Variants in WDR27 observed in about 807,000 individuals in gnomAD.
The protein encoded by WDR27 is WD repeat domain 27, also known as WD repeat-containing protein 27.
A neutral mutation model predicts 114.4 loss-of-function variants in WDR27; 100 were observed. The observed-to-expected ratio is 0.87, with a 90% confidence interval of 0.74 to 1.03. The LOEUF is 1.03. Ranked by LOEUF, WDR27 falls within the 50% of genes least tolerant of loss-of-function variation. The pLI, the probability that WDR27 is intolerant of heterozygous loss-of-function variation, is 0.00. For synonymous variants in WDR27, 449 were observed against 423.1 expected (o/e 1.06, Z -0.75); for missense variants, 1,129 against 1,092.9 (o/e 1.03, Z -0.47).
intron 22 of WDR27, among the ~76,000 whole-genome samples, chr6:169,605,208 A>G (rs909257498): frequency 6.6e-6 from 1 of 151,480 alleles, no homozygotes; most frequent in African/African-American, 2.4e-5. Flanking sequence ...TCTTACATCT[A>G]GAAAAACCTA....
chr6:169,599,248 G>T (rs1807451384), intron 23 of WDR27, among the ~76,000 whole-genome samples: 1 of 151,604 alleles, frequency 6.6e-6, no homozygotes, highest in South Asian at 2.1e-4. Flanking sequence ...ATACCATCAT[G>T]ATTTGGAAGT....
intron 23 of WDR27, among the ~76,000 whole-genome samples, chr6:169,591,944 G>A (rs1248895618): frequency 6.6e-6 from 1 of 151,626 alleles, no homozygotes; most frequent in Non-Finnish European, 1.5e-5. Context: ...AGGGAGTTCT[G>A]GCTTCTATTA....
intron 24 of WDR27, 102 bp downstream of exon 24, chr6:169,582,734 A>T: frequency 1.2e-6 from 1 of 845,124 alleles, no homozygotes; most frequent in Non-Finnish European, 1.8e-6. Context: ...ATGTAACCTT[A>T]AGTATTATAA....
In WDR27 at chr6:169,672,302, T is replaced by C. The variant is rs1778948842; in HGVS notation, c.284A>G (p.Tyr95Cys). 6.2e-7 allele frequency: 1 copy of C among 1,613,840 alleles called. No homozygotes were observed. Among genetic ancestry groups the C allele is most frequent in the Non-Finnish European group, 8.5e-7 (1 of 1,179,782 alleles). Residue 95 changes from tyrosine to cysteine, a missense_variant, in exon 3 of 26, where the codon TAT becomes TGT. Tyr to Cys is a radical substitution (Grantham distance 194). Coordinates refer to ENST00000448612, the MANE Select transcript of WDR27 (RefSeq NM_182552.5). Reference protein sequence around the residue: ...PLLICSASLDYVIMWNLDECR... With the variant: ...PLLICSASLDCVIMWNLDECR... Reference sequence around the variant, plus strand: ...TTCATCCAGGTTCCACATTATAACATAATCCAGTGATGCTGAGCAGATTAG... The same window carrying C: ...TTCATCCAGGTTCCACATTATAACACAATCCAGTGATGCTGAGCAGATTAG...
At chr6:169,617,810 C>T (rs942106658) in intron 21 of WDR27, among the ~76,000 whole-genome samples, 2 of 152,224 alleles carry the variant, frequency 1.3e-5, no homozygotes, top group African/African-American at 4.8e-5. Flanking sequence ...TCCCAGGTAG[C>T]CTTTCCTATT....
At chr6:169,449,215 C>T in the WDR27 span, among the ~76,000 whole-genome samples, 1 of 152,152 alleles carries the variant, frequency 6.6e-6, no homozygotes, top group South Asian at 2.1e-4. Context: ...TGGATTACTA[C>T]ATTCTGAATG....
chr6:169,604,311 AC>A (rs1195213074), intron 22 of WDR27, among the ~76,000 whole-genome samples: 2 of 152,210 alleles, frequency 1.3e-5, no homozygotes, highest in African/African-American at 4.8e-5. Context: ...ATCATCAGAG[AC>A]TATAATGAAA....
intron 25 of WDR27, among the ~76,000 whole-genome samples, chr6:169,488,946 C>CCT (rs374279199): frequency 1.1e-4 from 15 of 135,556 alleles, no homozygotes; most frequent in African/African-American, 3.9e-4. Context: ...TTGATGCCCC[C>CCT]TTTTTTTTTT....
intron 17 of WDR27, among the ~76,000 whole-genome samples, chr6:169,640,631 C>T (rs117728879): frequency 0.014 from 2,108 of 152,366 alleles, 29 homozygotes; most frequent in Middle Eastern, 0.048. Flanking sequence ...CAGCTCTGCA[C>T]CATCCAAGAA....
intron 23 of WDR27, among the ~76,000 whole-genome samples, chr6:169,585,351 T>G (rs992264752): frequency 2.0e-5 from 3 of 152,172 alleles, no homozygotes; most frequent in African/African-American, 4.8e-5. Flanking sequence ...AAAGAACTAT[T>G]TTAATGTAAG....
At chr6:169,557,043 G>A (rs554030789) in intron 25 of WDR27, among the ~76,000 whole-genome samples, 2 of 152,134 alleles carry the variant, frequency 1.3e-5, no homozygotes, top group Non-Finnish European at 2.9e-5. Flanking sequence ...AACTGCACTC[G>A]TGTCTCTCGC....
chr6:169,483,114 G>T (rs898729655), intron 25 of WDR27, among the ~76,000 whole-genome samples: 1 of 152,012 alleles, frequency 6.6e-6, no homozygotes, highest in Non-Finnish European at 1.5e-5. Context: ...GTAACATGAC[G>T]ACTAAAAGAA....
intron 25 of WDR27, among the ~76,000 whole-genome samples, chr6:169,525,213 C>T (rs1191803703): frequency 6.6e-6 from 1 of 151,934 alleles, no homozygotes; most frequent in Non-Finnish European, 1.5e-5. Context: ...ACATTAAAAC[C>T]ACAATGAGAT....
chr6:169,554,502 G>T lies in WDR27; in HGVS notation c.2645+17917C>A, dbSNP rs1798606153. 3.3e-5 allele frequency among the ~76,000 whole-genome samples: 5 copies of T among 152,206 alleles called. No individual in the cohort carries two copies. The South Asian group carries it at 1.0e-3, about 32-fold the overall frequency. Reference sequence around the variant, plus strand: ...TCATTGCTGGCGAAATACAATTTTAGATATTAAAATAGCCTGAAGTATAAC... The same window carrying T: ...TCATTGCTGGCGAAATACAATTTTATATATTAAAATAGCCTGAAGTATAAC... On this transcript the variant is annotated intron_variant, in intron 25 of 25. Coordinates refer to ENST00000448612, the MANE Select transcript of WDR27 (RefSeq NM_182552.5).
chr6:169,619,433 T>C (rs79770381), intron 21 of WDR27, among the ~76,000 whole-genome samples: 3,169 of 152,264 alleles, frequency 0.021, 72 homozygotes, highest in East Asian at 0.088. Context: ...GGGCCAAATA[T>C]GAGTGACCAC....
the WDR27 span, among the ~76,000 whole-genome samples, chr6:169,444,094 A>T: frequency 3.3e-5 from 5 of 152,086 alleles, no homozygotes; most frequent in Non-Finnish European, 5.9e-5. Context: ...ACTCCCAGTC[A>T]CGTGTCCAGA....
In WDR27 at chr6:169,522,399, G is replaced by A. The variant is rs561317979; in HGVS notation, c.2645+50020C>T. 6.6e-5 allele frequency among the ~76,000 whole-genome samples: 10 copies of A among 152,124 alleles called. No homozygotes were observed. In the South Asian group the frequency reaches 1.2e-3, roughly 19 times the overall value. ...AGGGAACTTCAATACCCCATTTTCA[G>A]TAATGAACAGATCATCCATACAGAA... On this transcript the variant is annotated intron_variant, in intron 25 of 25. Coordinates refer to ENST00000448612, the MANE Select transcript of WDR27 (RefSeq NM_182552.5).
At chr6:169,466,757 C>G (rs1562452857) in intron 25 of WDR27, among the ~76,000 whole-genome samples, 1 of 152,122 alleles carries the variant, frequency 6.6e-6, no homozygotes, top group African/African-American at 2.4e-5. Context: ...ATAGCCAAAC[C>G]AAATTATTCT....
intron 2 of WDR27, among the ~76,000 whole-genome samples, chr6:169,683,712 C>T (rs544027149): frequency 3.4e-4 from 52 of 152,248 alleles, no homozygotes; most frequent in African/African-American, 1.2e-3. Context: ...ATCTGCCCAG[C>T]GTCAGATGGG....
Sources: gnomAD v4.1 joint callset for allele counts (sites outside exome capture counted in the v4.1 genomes callset) on GRCh38, gnomAD v4.1.1 for gene constraint, MANE v1.5 for transcripts, NCBI Gene and HGNC (gene_info 2026-07-23, HGNC 2026-07-21) for gene names.